Variants in PRKG1 observed in about 807,000 individuals in gnomAD.
The protein encoded by PRKG1 is protein kinase cGMP-dependent 1.
Under a neutral mutation model 88.1 loss-of-function variants are expected in PRKG1, and 35 were observed. The observed-to-expected ratio is 0.40, with a 90% CI of 0.30 to 0.53. The LOEUF (loss-of-function observed/expected upper bound fraction) is 0.53. Among genes scored for constraint, PRKG1 ranks in the 20% least tolerant of loss-of-function variants. The probability of loss-of-function intolerance (pLI) is 0.59; values close to 1 mark genes in which losing one functional copy is unlikely to be tolerated. For synonymous variants in PRKG1, 303 were observed against 292.5 expected, an observed-to-expected ratio of 1.04 and a Z score of -0.37; for missense variants, 540 against 839.8, an observed-to-expected ratio of 0.64 and a Z score of 4.41.
At chr10:51,010,615 G>A (rs1842981988) in intron 1 of PRKG1, among the ~76,000 whole-genome samples, 1 of 152,178 alleles carries the variant, frequency 6.6e-6, no homozygotes, top group Non-Finnish European at 1.5e-5. Context: ...TGTCCAAGTT[G>A]GAGATGATTG....
At chr10:51,842,151 A>G (rs7099442) in intron 4 of PRKG1, among the ~76,000 whole-genome samples, 1,641 of 152,238 alleles carry the variant, frequency 0.011, 27 homozygotes, top group African/African-American at 0.033. Flanking sequence ...TACTTGTCCT[A>G]TGGGCTTTGA....
chr10:51,872,810 C>G (rs987108459), intron 4 of PRKG1, among the ~76,000 whole-genome samples: 1 of 151,896 alleles, frequency 6.6e-6, no homozygotes, highest in African/African-American at 2.4e-5. Flanking sequence ...ACTAGGTAAA[C>G]CATATGAAAT....
rs3029977 is a variant in PRKG1 at position 51,930,495 on chromosome 10, CTTTTTTTTTTT to C, written c.762+22936_762+22946del. On this transcript the variant is annotated intron_variant, in intron 5 of 17. Transcript: ENST00000373980. ...TTTTAAAAGAACCTTTTTTTTTCCT[CTTTTTTTTTTT>C]TTTTTTTTTTGAGACAGAGTCTCGT... is the stretch of plus-strand genomic sequence containing the variant. Among the ~76,000 whole-genome samples, 26 of 104,446 alleles carry C rather than the reference CTTTTTTTTTTT, an allele frequency of 2.5e-4. 1 individual carries two copies. The highest frequency in any genetic ancestry group is 9.4e-4 in the African/African-American group (26 of 27,756). The allele number at this position is 104,446 out of a possible 152,430, so 68.5% of individuals were successfully genotyped here.
chr10:51,548,341 T>C (rs530631739), intron 3 of PRKG1, among the ~76,000 whole-genome samples: 96 of 152,278 alleles, frequency 6.3e-4, no homozygotes, highest in African/African-American at 2.1e-3. Context: ...CATTTATTTC[T>C]AAGTCCTTAT....
intron 1 of PRKG1, among the ~76,000 whole-genome samples, chr10:51,144,219 A>T (rs1356806910): frequency 3.3e-5 from 5 of 152,130 alleles, no homozygotes; most frequent in Admixed American, 3.3e-4. Context: ...AAAATTAGAG[A>T]TAAATGAGTG....
intron 2 of PRKG1, among the ~76,000 whole-genome samples, chr10:51,255,766 A>G (rs1839542065): frequency 6.6e-6 from 1 of 152,148 alleles, no homozygotes; most frequent in Admixed American, 6.6e-5. Flanking sequence ...TGTGATTTAT[A>G]TAAAGAGATC....
At chr10:51,115,768 G>T (rs1845108475) in intron 1 of PRKG1, among the ~76,000 whole-genome samples, 1 of 151,324 alleles carries the variant, frequency 6.6e-6, no homozygotes. Context: ...ACCTGGAGGT[G>T]GAGTCTGTGG....
chr10:51,342,936 T>C (rs932046143), intron 2 of PRKG1, among the ~76,000 whole-genome samples: 1 of 152,056 alleles, frequency 6.6e-6, no homozygotes, highest in Non-Finnish European at 1.5e-5. Context: ...CCATGAGAAA[T>C]GTGAAAAACA....
chr10:51,351,172 G>T (rs532260138), intron 2 of PRKG1, among the ~76,000 whole-genome samples: 1 of 152,072 alleles, frequency 6.6e-6, no homozygotes, highest in Non-Finnish European at 1.5e-5. Flanking sequence ...TGGGCATTTG[G>T]GTTGGTTCCA....
chr10:51,205,127 C>CTTTTTTTTTTTTTTTTTTTTT (rs58176913), intron 2 of PRKG1, among the ~76,000 whole-genome samples: 38 of 64,008 alleles, frequency 5.9e-4, no homozygotes, highest in East Asian at 1.8e-3. Flanking sequence ...ATTTTCTTTT[C>CTTTTTTTTTTTTTTTTTTTTT]TTTTTTTTTT....
At chr10:51,698,954 G>A in intron 3 of PRKG1, 1 of 1,614,238 alleles carries the variant, frequency 6.2e-7, no homozygotes, top group Non-Finnish European at 8.5e-7. Flanking sequence ...TGGGATCAGT[G>A]GTGTGACATG....
chr10:52,119,314 C>T (rs1847761626), intron 7 of PRKG1, among the ~76,000 whole-genome samples: 1 of 152,094 alleles, frequency 6.6e-6, no homozygotes, highest in South Asian at 2.1e-4. Context: ...CAACATTTCA[C>T]ATGTGAAAAA....
At chr10:52,245,001 A>G (rs1356771676) in intron 9 of PRKG1, among the ~76,000 whole-genome samples, 3 of 147,728 alleles carry the variant, frequency 2.0e-5, no homozygotes, top group African/African-American at 7.4e-5. Flanking sequence ...AATAAAATAT[A>G]TAAAAAAATT....
chr10:52,124,144 C>T (rs1270508250), intron 7 of PRKG1, among the ~76,000 whole-genome samples: 1 of 152,106 alleles, frequency 6.6e-6, no homozygotes, highest in Non-Finnish European at 1.5e-5. Context: ...CAGAGTAAGA[C>T]TTAATTAAGC....
At chr10:51,518,158 C>T (rs1416824825) in intron 3 of PRKG1, among the ~76,000 whole-genome samples, 5 of 152,074 alleles carry the variant, frequency 3.3e-5, no homozygotes, top group South Asian at 2.1e-4. Flanking sequence ...CCACCACACT[C>T]GGCTAATTTT....
chr10:51,080,306 C>T (rs2131848717), intron 1 of PRKG1, among the ~76,000 whole-genome samples: 1 of 152,302 alleles, frequency 6.6e-6, no homozygotes, highest in Non-Finnish European at 1.5e-5. Context: ...AAATTACCAG[C>T]TTCCTTGCTC....
chr10:52,133,400 A>T (rs971378920), intron 7 of PRKG1, among the ~76,000 whole-genome samples: 1 of 152,140 alleles, frequency 6.6e-6, no homozygotes, highest in Admixed American at 6.5e-5. Context: ...GTAAGGAAAT[A>T]ATTTAAACAG....
At chr10:51,027,994 T>A (rs1313257242) in intron 1 of PRKG1, among the ~76,000 whole-genome samples, 1 of 152,188 alleles carries the variant, frequency 6.6e-6, no homozygotes, top group African/African-American at 2.4e-5. Context: ...ACAAGGCATT[T>A]ATCATAGATA....
chr10:52,023,887 CT>C (rs1195928224), intron 5 of PRKG1, among the ~76,000 whole-genome samples: 4 of 152,140 alleles, frequency 2.6e-5, no homozygotes, highest in Non-Finnish European at 4.4e-5. Context: ...ATGATAGTTT[CT>C]TTTGCTGTGC....
Sources: allele counts gnomAD v4.1 joint callset (sites outside exome capture counted in the v4.1 genomes callset), GRCh38; gene constraint gnomAD v4.1.1; transcripts MANE v1.5; gene names NCBI Gene and HGNC (gene_info 2026-07-23, HGNC 2026-07-21).